The following NCAM1 variants were observed in gnomAD, a reference collection of about 807,000 sequenced individuals.
The protein encoded by NCAM1 is antigen recognized by monoclonal antibody 5.1H11.
Under a neutral mutation model 109.8 loss-of-function variants are expected in NCAM1, and 14 were observed. The observed-to-expected ratio is 0.13, with a 90% CI of 0.08 to 0.20. The LOEUF (loss-of-function observed/expected upper bound fraction) is 0.20, where lower values mean the gene tolerates loss of function less well. Ranked by LOEUF, NCAM1 falls within the 10% of genes least tolerant of loss-of-function variation. The pLI, the probability that NCAM1 is intolerant of heterozygous loss-of-function variation, is 1.00. For missense variants in NCAM1, 774 were observed against 1,109.9 expected (o/e 0.70, Z 4.30); for synonymous variants, 418 against 442.9 (o/e 0.94, Z 0.70).
Position 113,127,159 on chromosome 11 carries a change from A to G in NCAM1, c.53-75220A>G, listed in dbSNP as rs1291376341. Among the ~76,000 whole-genome samples, 3 of 152,324 alleles carry G rather than the reference A, an allele frequency of 2.0e-5. No homozygotes were observed. In the East Asian group the frequency reaches 5.8e-4, roughly 29 times the overall value. ...CCAAGCTTGATCCTGTAACAGACTC[A>G]TTTGGGAGCTTGTTAAATACACATT... On this transcript the variant is annotated intron_variant, in intron 1 of 19. Transcript: ENST00000316851.
At chr11:113,099,738 G>A (rs1247250693) in intron 1 of NCAM1, among the ~76,000 whole-genome samples, 1 of 152,108 alleles carries the variant, frequency 6.6e-6, no homozygotes, top group Non-Finnish European at 1.5e-5. Context: ...ACCTAGGCTG[G>A]AGTGTAGTGG....
At chr11:113,096,770 T>G (rs144427477) in intron 1 of NCAM1, among the ~76,000 whole-genome samples, 327 of 152,218 alleles carry the variant, frequency 2.1e-3, no homozygotes, top group African/African-American at 7.4e-3. Flanking sequence ...CGACTACATC[T>G]TACTTTTCAT....
At position 113,231,670 on chromosome 11, in the gene NCAM1, G is replaced by A. The variant is rs781923282; in HGVS notation, c.1115G>A (p.Arg372His). ...ACTCTGGATGGGCACATGGTGGTGC[G>A]TAGCCATGCCCGTGTGTCGTCGCTG... ...QETLDGHMVVRSHARVSSLTL... is the reference protein window; with the variant it reads ...QETLDGHMVVHSHARVSSLTL... The change falls in exon 10 of 20, where the codon CGT becomes CAT. Residue 372 changes from arginine to histidine, a missense_variant. Physicochemically the swap from Arg to His is conservative, Grantham distance 29. Transcript: ENST00000316851. The A allele has an allele frequency of 1.6e-5, 26 of 1,613,778 alleles. No homozygotes were observed. The Admixed American group carries it at 1.8e-4, about 11-fold the overall frequency.
chr11:113,275,624 A>T lies in NCAM1; in HGVS notation c.*237A>T, dbSNP rs1946387831. 1 of 419,058 alleles carries T rather than the reference A, an allele frequency of 2.4e-6. No homozygotes were observed. Among genetic ancestry groups the T allele is most frequent in the South Asian group, 4.6e-5 (1 of 21,910 alleles). The allele number at this position is 419,058 out of a possible 1,614,324, so 26.0% of individuals were successfully genotyped here. A position where few individuals can be genotyped will look rare whatever the true frequency, so the allele number is the denominator to read the frequency against. The stretch of plus-strand genomic sequence containing the variant: ...CCTTTGTTGCACACTCACTTGTAAG[A>T]AAATGAGACAAAAAGGTTAAACCCA... On this transcript the variant is annotated 3_prime_UTR_variant, in exon 20 of 20. Coordinates refer to ENST00000316851, the MANE Select transcript of NCAM1 (RefSeq NM_181351.5).
chr11:113,077,345 A>C (rs2135629376), intron 1 of NCAM1, among the ~76,000 whole-genome samples: 1 of 152,330 alleles, frequency 6.6e-6, no homozygotes, highest in African/African-American at 2.4e-5. Context: ...GAAGGGAAGA[A>C]GAGCAAGCCA....
chr11:113,255,925 A>T lies in NCAM1; in HGVS notation c.1877A>T (p.Asn626Ile). ...KLEGQMGEDG[N>I]SIKVNLIKQD... Reference sequence around the variant, plus strand: ...GAAGGGCAGATGGGAGAGGATGGAAACTCTATTAAAGTGAACCTGATCAAG... The same window carrying T: ...GAAGGGCAGATGGGAGAGGATGGAATCTCTATTAAAGTGAACCTGATCAAG... Residue 626 changes from asparagine (N) to isoleucine (I), a missense_variant, in exon 16 of 20, where the codon AAC (asparagine) becomes ATC (isoleucine). This residue lies in a region of NCAM1 where 523 missense variants were observed against 784.2 expected (regional missense o/e 0.67). Transcript: ENST00000316851. 6.2e-7 allele frequency: 1 copy of T among 1,611,430 alleles called. No individual in the cohort carries two copies. Among genetic ancestry groups the T allele is most frequent in the Non-Finnish European group, 8.5e-7 (1 of 1,179,036 alleles).
rs560645177 is a variant in NCAM1 at position 113,068,023 on chromosome 11, G to A, written c.52+106359G>A. On this transcript the variant is annotated intron_variant, in intron 1 of 19. Transcript: ENST00000316851. ...CCTCCTGGGTTCACGCCATTCTCCT[G>A]CCTCAGCCTCCCGAGTAGCTGGGAC... 9.4e-5 allele frequency among the ~76,000 whole-genome samples: 14 copies of A among 148,554 alleles called. No homozygotes were observed. In the South Asian group the frequency reaches 3.0e-3, roughly 32 times the overall value.
intron 1 of NCAM1, among the ~76,000 whole-genome samples, chr11:113,180,716 G>A (rs1219779322): frequency 6.6e-6 from 1 of 152,228 alleles, no homozygotes; most frequent in Non-Finnish European, 1.5e-5. Flanking sequence ...CTGCGTTATT[G>A]GGGATGGCAT....
chr11:112,998,420 A>G (rs1276586882), intron 1 of NCAM1, among the ~76,000 whole-genome samples: 2 of 152,092 alleles, frequency 1.3e-5, no homozygotes, highest in Admixed American at 6.6e-5. Flanking sequence ...ATATTCTCTT[A>G]TTATTGATTT....
At position 113,166,769 on chromosome 11, in the gene NCAM1, CACAA is replaced by C. The variant is rs1190571173; in HGVS notation, c.53-35608_53-35605del. Reference sequence around the variant, plus strand: ...TATAGTTGTCACTGCGACACACACACACAAAAAAAAACACTGGCTCTATTCTACC... The same window carrying C: ...TATAGTTGTCACTGCGACACACACACAAAAAAACACTGGCTCTATTCTACC... On this transcript the variant is annotated intron_variant, in intron 1 of 19. Coordinates refer to ENST00000316851, the MANE Select transcript of NCAM1 (RefSeq NM_181351.5). Among the ~76,000 whole-genome samples the C allele has an allele frequency of 5.3e-5, 8 of 149,810 alleles. No homozygotes were observed. The South Asian group carries it at 6.4e-4, about 12-fold the overall frequency.
intron 1 of NCAM1, among the ~76,000 whole-genome samples, chr11:113,123,833 G>GT (rs1941069923): frequency 6.6e-6 from 1 of 152,164 alleles, no homozygotes; most frequent in Non-Finnish European, 1.5e-5. Flanking sequence ...GCCCCCTTGA[G>GT]TAGGACCCTG....
At chr11:112,987,738 A>T (rs1424829359) in intron 1 of NCAM1, among the ~76,000 whole-genome samples, 1 of 151,916 alleles carries the variant, frequency 6.6e-6, no homozygotes, top group African/African-American at 2.4e-5. Flanking sequence ...CATTTGCATG[A>T]GATCTTTTTC....
chr11:113,235,142 C>T lies in NCAM1; in HGVS notation c.1803C>T (p.Ser601=), dbSNP rs536431053. 1.4e-4 allele frequency: 220 copies of T among 1,613,660 alleles called. 3 individuals are homozygous for T. In the South Asian group the frequency reaches 1.5e-3, roughly 11 times the overall value. Residue 601 remains serine (S), a synonymous_variant, in exon 14 of 20, where the codon TCC becomes TCT. Transcript: ENST00000316851. ...GGCTGGGTGAGATCAGCGCGGCCTC[C>T]GAGTTCAAGACGCAGCCAGTCCGTA... is the stretch of plus-strand genomic sequence containing the variant. ...GKGLGEISAA[S]EFKTQPVQGE...
chr11:112,987,814 T>G (rs1261264815), intron 1 of NCAM1, among the ~76,000 whole-genome samples: 1 of 150,728 alleles, frequency 6.6e-6, no homozygotes, highest in Non-Finnish European at 1.5e-5. Context: ...ATAGGTAGCA[T>G]ATAGTCAAGT....
At chr11:112,991,611 T>C (rs1951459423) in intron 1 of NCAM1, among the ~76,000 whole-genome samples, 1 of 152,188 alleles carries the variant, frequency 6.6e-6, no homozygotes, top group Non-Finnish European at 1.5e-5. Flanking sequence ...AGAGCAGAGC[T>C]TACTTGACCA....
chr11:112,973,159 T>G (rs539839719), intron 1 of NCAM1, among the ~76,000 whole-genome samples: 9 of 152,288 alleles, frequency 5.9e-5, no homozygotes, highest in African/African-American at 2.2e-4. Flanking sequence ...CAAAATCTTT[T>G]GAAGCTTGTT....
At chr11:113,024,015 T>C (rs1555076738) in intron 1 of NCAM1, among the ~76,000 whole-genome samples, 1 of 152,118 alleles carries the variant, frequency 6.6e-6, no homozygotes, top group East Asian at 1.9e-4. Flanking sequence ...ATTTAAAAAG[T>C]TGGGTCCGGT....
chr11:112,980,711 CTGGAGCAG>C (rs1555068596), intron 1 of NCAM1, among the ~76,000 whole-genome samples: 1 of 151,810 alleles, frequency 6.6e-6, no homozygotes, highest in Admixed American at 6.6e-5. Context: ...GCACCTGTCA[CTGGAGCAG>C]TGTACATTAT....
intron 1 of NCAM1, among the ~76,000 whole-genome samples, chr11:112,993,491 C>T (rs1951517380): frequency 6.6e-6 from 1 of 152,114 alleles, no homozygotes; most frequent in African/African-American, 2.4e-5. Flanking sequence ...GACAAATATC[C>T]AAAGTATATC....
Sources: allele counts gnomAD v4.1 joint callset (sites outside exome capture counted in the v4.1 genomes callset), GRCh38; gene constraint gnomAD v4.1.1; regional missense constraint gnomAD v4.1.1; transcripts MANE v1.5; gene names NCBI Gene and HGNC (gene_info 2026-07-23, HGNC 2026-07-21).